Variants in TFEC observed in about 807,000 individuals in gnomAD.
TFEC encodes the protein transcription factor EC.
In TFEC, 31 loss-of-function variants were observed where a neutral mutation model predicts 41.6. The ratio of observed to expected loss-of-function variants is 0.74; its 90% CI spans 0.56 to 1.01. TFEC has a LOEUF of 1.01. Ranked by LOEUF, TFEC falls within the 50% of genes least tolerant of loss-of-function variation. The pLI is 0.00. For missense variants in TFEC, 402 were observed against 404.1 expected, an observed-to-expected ratio of 0.99 and a Z score of 0.04; for synonymous variants, 143 against 140.6, an observed-to-expected ratio of 1.02 and a Z score of -0.12.
At chr7:116,150,504 C>G (rs1798738504) in intron 1 of TFEC, among the ~76,000 whole-genome samples, 1 of 151,870 alleles carries the variant, frequency 6.6e-6, no homozygotes, top group Non-Finnish European at 1.5e-5. Flanking sequence ...AACTATAATT[C>G]AATGGCATTA....
chr7:116,026,539 T>G (rs1175250456), intron 1 of TFEC, among the ~76,000 whole-genome samples: 1 of 152,144 alleles, frequency 6.6e-6, no homozygotes, highest in Non-Finnish European at 1.5e-5. Flanking sequence ...ACATAGATAT[T>G]AATTAAATTA....
chr7:116,112,502 T>C (rs779122625), intron 1 of TFEC, among the ~76,000 whole-genome samples: 1 of 152,004 alleles, frequency 6.6e-6, no homozygotes, highest in Admixed American at 6.6e-5. Flanking sequence ...ACTCCAAAAT[T>C]ATTAATTGGT....
chr7:115,985,534 C>G (rs1019454816), intron 1 of TFEC, among the ~76,000 whole-genome samples: 12 of 152,088 alleles, frequency 7.9e-5, no homozygotes, highest in Non-Finnish European at 1.5e-4. Flanking sequence ...TTCAGTTACA[C>G]AAACTACTCC....
At chr7:116,054,855 T>C (rs1242059627) in intron 3 of TFEC, among the ~76,000 whole-genome samples, 1 of 152,140 alleles carries the variant, frequency 6.6e-6, no homozygotes, top group African/African-American at 2.4e-5. Flanking sequence ...GATAGATCTT[T>C]ACCACTAGTA....
At chr7:116,146,337 C>T (rs1334326232) in intron 1 of TFEC, among the ~76,000 whole-genome samples, 1 of 152,148 alleles carries the variant, frequency 6.6e-6, no homozygotes, top group African/African-American at 2.4e-5. Context: ...CCTACCAAAA[C>T]CAGGAGCCTT....
chr7:116,062,930 A>T (rs1221153680), intron 3 of TFEC, among the ~76,000 whole-genome samples: 2 of 152,164 alleles, frequency 1.3e-5, no homozygotes, highest in African/African-American at 4.8e-5. Flanking sequence ...TGACCCAGCC[A>T]TTCCACTCTT....
At chr7:116,062,224 C>CATT (rs1796575680) in intron 3 of TFEC, among the ~76,000 whole-genome samples, 2 of 38,686 alleles carry the variant, frequency 5.2e-5, no homozygotes, top group Non-Finnish European at 9.2e-5. Context: ...ACATGCCTGG[C>CATT]CTTTTTTTTT....
At chr7:116,017,979 T>A (rs1249644129) in intron 1 of TFEC, among the ~76,000 whole-genome samples, 9 of 127,840 alleles carry the variant, frequency 7.0e-5, no homozygotes, top group Middle Eastern at 4.1e-3. Context: ...ACATCCAGTG[T>A]TGGGCAAATA....
chr7:116,077,488 G>A (rs543302232), intron 3 of TFEC, among the ~76,000 whole-genome samples: 24 of 152,136 alleles, frequency 1.6e-4, no homozygotes, highest in Admixed American at 7.2e-4. Context: ...ATGGCTGAAC[G>A]GATAAGAATT....
At chr7:116,078,523 A>G (rs1028600188) in intron 3 of TFEC, among the ~76,000 whole-genome samples, 2 of 152,140 alleles carry the variant, frequency 1.3e-5, no homozygotes, top group Non-Finnish European at 2.9e-5. Flanking sequence ...TACCACAGAA[A>G]TACAAAAGAT....
At chr7:116,012,166 T>A (rs1795025321) in intron 1 of TFEC, among the ~76,000 whole-genome samples, 1 of 152,192 alleles carries the variant, frequency 6.6e-6, no homozygotes, top group South Asian at 2.1e-4. Context: ...AATGTACAAG[T>A]TAATTACTTC....
intron 2 of TFEC, among the ~76,000 whole-genome samples, chr7:115,983,451 A>G (rs573184522): frequency 6.6e-6 from 1 of 152,282 alleles, no homozygotes; most frequent in East Asian, 1.9e-4. Context: ...GAAATCGGCA[A>G]TAAACACCAG....
intron 3 of TFEC, among the ~76,000 whole-genome samples, chr7:115,970,293 T>C (rs1188206147): frequency 6.6e-6 from 1 of 151,882 alleles, no homozygotes. Flanking sequence ...CAGGTGACAA[T>C]GGAGAATTTG....
At chr7:116,060,251 T>C (rs965386091) in intron 3 of TFEC, among the ~76,000 whole-genome samples, 1 of 152,168 alleles carries the variant, frequency 6.6e-6, no homozygotes, top group Non-Finnish European at 1.5e-5. Context: ...AAAACACTCA[T>C]ACACTGTTGG....
intron 3 of TFEC, among the ~76,000 whole-genome samples, chr7:116,102,353 G>C (rs1002428802): frequency 6.6e-6 from 1 of 152,116 alleles, no homozygotes; most frequent in Non-Finnish European, 1.5e-5. Flanking sequence ...TGGTGTGTTT[G>C]TTTGGAAAAA....
intron 3 of TFEC, among the ~76,000 whole-genome samples, chr7:116,073,607 T>A (rs1234884186): frequency 2.0e-5 from 3 of 151,764 alleles, no homozygotes; most frequent in South Asian, 2.1e-4. Flanking sequence ...TTTGAGAAAG[T>A]TTTTTTGCAT....
intron 3 of TFEC, among the ~76,000 whole-genome samples, chr7:116,074,222 G>A (rs1021469230): frequency 6.6e-6 from 1 of 150,998 alleles, no homozygotes; most frequent in Non-Finnish European, 1.5e-5. Flanking sequence ...ATGTGTGCAT[G>A]CATACACACA....
At chr7:115,986,889 C>G (rs914470237) in intron 1 of TFEC, among the ~76,000 whole-genome samples, 1 of 149,418 alleles carries the variant, frequency 6.7e-6, no homozygotes, top group Non-Finnish European at 1.5e-5. Context: ...GCACATGTAC[C>G]CTAGAACTTA....
chr7:116,004,460 A>T (rs1794713152), intron 1 of TFEC, among the ~76,000 whole-genome samples: 1 of 152,172 alleles, frequency 6.6e-6, no homozygotes, highest in Non-Finnish European at 1.5e-5. Flanking sequence ...TTTGGGTGAT[A>T]GTGAAGTGTC....
Sources: allele counts gnomAD v4.1 joint callset (sites outside exome capture counted in the v4.1 genomes callset), GRCh38; gene constraint gnomAD v4.1.1; transcripts MANE v1.5; gene names NCBI Gene and HGNC (gene_info 2026-07-23, HGNC 2026-07-21).